Variants in GNAS observed in about 807,000 individuals in gnomAD.
GNAS encodes protein ALEX.
GNAS carries 8 observed loss-of-function variants against 54.5 expected under a neutral mutation model. The observed-to-expected ratio is 0.15, with a 90% CI of 0.09 to 0.26. The LOEUF (loss-of-function observed/expected upper bound fraction) is 0.26. Ranked by LOEUF, GNAS falls within the 10% of genes least tolerant of loss-of-function variation. The pLI, the probability that GNAS is intolerant of heterozygous loss-of-function variation, is 1.00. For synonymous variants in GNAS, 204 were observed against 191.4 expected (o/e 1.07, Z -0.54); for missense variants, 170 against 529.8 (o/e 0.32, Z 6.67).
At position 58,885,231 on chromosome 20, in the gene GNAS, C is replaced by A. The variant is rs1047243460; in HGVS notation, c.44-10381C>A. On this transcript the variant is annotated intron_variant, in intron 1 of 12. Coordinates refer to the GNAS transcript ENST00000306090. ...CGTCTGTCCACAGAGACCAGGAAGC[C>A]TCTCTCACAGATGGTGCCTCCCCAT... 1.7e-4 allele frequency among the ~76,000 whole-genome samples: 26 copies of A among 152,186 alleles called. 1 individual carries two copies. Among genetic ancestry groups the A allele is most frequent in the Admixed American group, 1.6e-3 (24 of 15,280 alleles).
chr20:58,891,469 C>T lies in GNAS; in HGVS notation c.-258C>T, dbSNP rs1490290259. 3.4e-6 allele frequency: 3 copies of T among 874,986 alleles called. No homozygotes were observed. The highest frequency in any genetic ancestry group is 5.8e-4 in the Middle Eastern group (1 of 1,732). The allele number at this position is 874,986 out of a possible 1,614,324, so 54.2% of individuals were successfully genotyped here. ...TGGTCCGCCTCGGCCCGGCGGCGGC[C>T]ATCAGCCCCCTCGGCCTCGGCTCGA... On this transcript the variant is annotated 5_prime_UTR_variant, in exon 1 of 13. Coordinates refer to ENST00000371085, the MANE Select transcript of GNAS (RefSeq NM_000516.7).
chr20:58,875,907 A>C (rs1395823034), intron 1 of GNAS, among the ~76,000 whole-genome samples: 1 of 152,234 alleles, frequency 6.6e-6, no homozygotes, highest in Non-Finnish European at 1.5e-5. Flanking sequence ...GGGAAGGAGC[A>C]AGGAGGCAGG....
chr20:58,869,185 G>A (rs938990845), intron 1 of GNAS, among the ~76,000 whole-genome samples: 9 of 152,162 alleles, frequency 5.9e-5, no homozygotes, highest in African/African-American at 2.2e-4. Context: ...CTGGGAACTG[G>A]TCCTGAGATC....
At chr20:58,897,802 C>T (rs1055243030) in intron 2 of GNAS, 9 of 152,212 alleles carry the variant, frequency 5.9e-5, no homozygotes, top group African/African-American at 2.2e-4. Flanking sequence ...TTTATCTCAT[C>T]CAACTGCCTC....
At chr20:58,907,369 C>G (rs2091135882) in intron 6 of GNAS, among the ~76,000 whole-genome samples, 1 of 152,196 alleles carries the variant, frequency 6.6e-6, no homozygotes, top group Non-Finnish European at 1.5e-5. Context: ...AACAAAGTCC[C>G]TGATTTTCTC....
intron 1 of GNAS, among the ~76,000 whole-genome samples, chr20:58,842,931 A>G (rs373141121): frequency 1.3e-5 from 2 of 152,348 alleles, no homozygotes; most frequent in East Asian, 3.9e-4. Flanking sequence ...TTGTTGCAGG[A>G]TGAATAAACA....
upstream of GNAS, chr20:58,891,418 G>GGCAGCAGCTCCC (rs1555883690): frequency 8.6e-6 from 3 of 349,880 alleles, no homozygotes; most frequent in African/African-American, 4.6e-5. Context: ...CGGCAGCGGC[G>GGCAGCAGCTCCC]GCAGCAGCTC....
Position 58,897,155 on chromosome 20 carries a change from A to G in GNAS, c.212+1471A>G, listed in dbSNP as rs374526803. ...TTCACTCATCTGATTATGACTCTCA[A>G]TGGGTTATCAACATGCACATACGTG... On this transcript the variant is annotated intron_variant, in intron 2 of 12. Transcript: ENST00000371085. 5.9e-5 allele frequency among the ~76,000 whole-genome samples: 9 copies of G among 152,334 alleles called. 1 individual carries two copies. In the South Asian group the frequency reaches 6.2e-4, roughly 11 times the overall value.
chr20:58,892,977 AG>A (rs2089635578), intron 1 of GNAS, among the ~76,000 whole-genome samples: 1 of 151,012 alleles, frequency 6.6e-6, no homozygotes, highest in African/African-American at 2.4e-5. Context: ...CTTTGTGAAA[AG>A]AAAAAACAAA....
At chr20:58,893,740 CTT>C (rs568170071) in intron 1 of GNAS, among the ~76,000 whole-genome samples, 174 of 152,346 alleles carry the variant, frequency 1.1e-3, no homozygotes, top group Non-Finnish European at 1.9e-3. Context: ...ATGCGTATAA[CTT>C]GATTTCAAAG....
At chr20:58,908,792 G>A (rs2091246337) in intron 6 of GNAS, 1 of 299,992 alleles carries the variant, frequency 3.3e-6, no homozygotes, top group Admixed American at 4.6e-5. Flanking sequence ...CAGGAATAAA[G>A]AAGCTAAGTA....
At chr20:58,867,770 TG>T (rs1318960739) in intron 1 of GNAS, among the ~76,000 whole-genome samples, 3 of 152,162 alleles carry the variant, frequency 2.0e-5, no homozygotes, top group African/African-American at 7.2e-5. Flanking sequence ...GGTCCTGCCA[TG>T]GTCAGGAGAG....
chr20:58,871,764 AAAGAG>A (rs1166021848), intron 1 of GNAS, among the ~76,000 whole-genome samples: 1 of 152,002 alleles, frequency 6.6e-6, no homozygotes, highest in Non-Finnish European at 1.5e-5. Flanking sequence ...GGAAAAGAAA[AAAGAG>A]AAGAAAAGAA....
chr20:58,853,256 C>T lies in GNAS; in HGVS notation c.43+12370C>T, dbSNP rs2086255550. 1.3e-6 allele frequency: 2 copies of T among 1,531,536 alleles called. No individual in the cohort carries two copies. Among genetic ancestry groups the T allele is most frequent in the South Asian group, 2.4e-5 (2 of 83,060 alleles). 94.9% of individuals were successfully genotyped at this position (1,531,536 alleles called of 1,614,324 possible). On this transcript the variant is annotated intron_variant, in intron 1 of 12. Transcript: ENST00000306090. This position sits in a 1 kb window ranked among gnomAD's most constrained non-coding sequence, Gnocchi z 4.4. ...GCCCCAAACTTATTTTGAGAGGCCG[C>T]CACCGTGTTATGGGCGTGCGCAACT...
intron 3 of GNAS, among the ~76,000 whole-genome samples, chr20:58,901,114 C>CTCAAAACCAAAGG (rs933772856): frequency 1.3e-5 from 2 of 152,154 alleles, no homozygotes; most frequent in African/African-American, 4.8e-5. Flanking sequence ...ATTGTGGAAC[C>CTCAAAACCAAAGG]TCAAAACCAA....
At position 58,898,654 on chromosome 20, in the gene GNAS, A is replaced by G. The variant is rs1056132909; in HGVS notation, c.213-287A>G. The G allele has an allele frequency of 7.2e-6, 4 of 556,970 alleles. No homozygotes were observed. The African/African-American group carries it at 7.5e-5, about 10-fold the overall frequency. 34.5% of individuals were successfully genotyped at this position (556,970 alleles called of 1,614,324 possible). ...ATGCGTGTACGTTTAGTGAAAGCAC[A>G]AGAAAACAATTATCCATCCCTCCTG... On this transcript the variant is annotated intron_variant, in intron 2 of 12. Transcript: ENST00000371085.
chr20:58,854,503 C>G, intron 1 of GNAS: 6 of 1,577,230 alleles, frequency 3.8e-6, no homozygotes, highest in Non-Finnish European at 5.1e-6. Flanking sequence ...GATCCCGACT[C>G]CGGGACAGCA....
chr20:58,906,404 T>C (rs1450474425), intron 6 of GNAS, among the ~76,000 whole-genome samples: 1 of 152,216 alleles, frequency 6.6e-6, no homozygotes, highest in Non-Finnish European at 1.5e-5. Context: ...TCACCCACCA[T>C]GGTCTCTCCC....
chr20:58,910,383 C>T lies in GNAS; in HGVS notation c.1020C>T (p.Phe340=), dbSNP rs531033378. The part of the protein sequence containing the change: ...EDPRVTRAKY[F]IRDEFLRIST... ...CACGCGTGACCCGGGCCAAGTACTT[C>T]ATTCGAGATGAGTTTCTGGTGAGTC... is the stretch of plus-strand genomic sequence containing the variant. The change falls in exon 12 of 13, where the codon TTC becomes TTT. Residue 340 remains phenylalanine, a synonymous_variant. Transcript: ENST00000371085. The surrounding 1 kb of genome is among the most constrained non-coding windows in gnomAD (Gnocchi z 5.8). 6.2e-7 allele frequency: 1 copy of T among 1,612,008 alleles called. No homozygotes were observed. The highest frequency in any genetic ancestry group is 1.7e-5 in the Admixed American group (1 of 60,018).
Sources: allele counts gnomAD v4.1 joint callset (sites outside exome capture counted in the v4.1 genomes callset), GRCh38; gene constraint gnomAD v4.1.1; non-coding constraint Gnocchi (gnomAD v3.1); transcripts MANE v1.5; gene names NCBI Gene and HGNC (gene_info 2026-07-23, HGNC 2026-07-21).